Variants in NOXA1 observed in about 807,000 individuals in gnomAD.
NOXA1 encodes the protein NCF2-like protein.
NOXA1 carries 56 observed loss-of-function variants against 64.8 expected under a neutral mutation model. The ratio of observed to expected loss-of-function variants is 0.86; its 90% confidence interval spans 0.70 to 1.08. The LOEUF (loss-of-function observed/expected upper bound fraction) is 1.08, where lower values mean the gene tolerates loss of function less well. Ranked by LOEUF, NOXA1 falls within the 50% of genes least tolerant of loss-of-function variation. The pLI is 0.00. For synonymous variants in NOXA1, 295 were observed against 294.8 expected, an observed-to-expected ratio of 1.00 and a Z score of -0.01; for missense variants, 668 against 658.5, an observed-to-expected ratio of 1.01 and a Z score of -0.16.
At position 137,428,974 on chromosome 9, in the gene NOXA1, G is replaced by A. The variant is rs748200255; in HGVS notation, c.462G>A (p.Glu154=). The A allele has an allele frequency of 1.3e-6, 2 of 1,598,750 alleles. No homozygotes were observed. Among genetic ancestry groups the A allele is most frequent in the South Asian group, 1.1e-5 (1 of 88,446 alleles). The part of the protein sequence containing the change: ...SLREAMSKWP[E]GSLNGLDSAL... ...GGGAGGCCATGTCCAAGTGGCCGGA[G>A]GGGTCCCTGAATGGCCTGGACTCAG... The change falls in exon 4 of 14, where the codon GAG becomes GAA. Residue 154 remains glutamate, a synonymous_variant. Transcript: ENST00000683555.
In NOXA1 at chr9:137,428,927, A is replaced by T. The variant is rs1446292059; in HGVS notation, c.415A>T (p.Thr139Ser). The T allele has an allele frequency of 1.3e-6, 2 of 1,595,936 alleles. No homozygotes were observed. Among genetic ancestry groups the T allele is most frequent in the Non-Finnish European group, 1.7e-6 (2 of 1,172,290 alleles). The stretch of plus-strand genomic sequence containing the variant: ...GGCACAGTGCCAGCTGGGGCTCTGG[A>T]CAGAGGCGGCCAGCAGCCTAAGGGA... Reference protein sequence around the residue: ...ASAQCQLGLWTEAASSLREAM... With the variant: ...ASAQCQLGLWSEAASSLREAM... The change falls in exon 4 of 14, where the codon ACA (threonine) becomes TCA (serine). Residue 139 changes from threonine to serine, a missense_variant. By Grantham distance (58) the Thr-to-Ser change is moderately conservative. Transcript: ENST00000683555.
rs141015178 is a variant in NOXA1, at chr9:137,429,332, C to G, written c.561C>G (p.His187Gln). ...QVPRGEVFRP[H>Q]RWHLKHLEPV... ...CCAGGGGCGAGGTCTTCCGGCCCCA[C>G]CGGTGGCACCTGAAGCACTTGGAGC... The change falls in exon 5 of 14, where the codon CAC (histidine) becomes CAG (glutamine). Residue 187 changes from histidine to glutamine, a missense_variant. By Grantham distance (24) the His-to-Gln change is conservative. Transcript: ENST00000683555. The G allele has an allele frequency of 1.9e-6, 3 of 1,583,882 alleles. No homozygotes were observed. The highest frequency in any genetic ancestry group is 2.7e-5 in the African/African-American group (2 of 74,624).
At chr9:137,429,068 C>T in intron 4 of NOXA1, 52 bp downstream of exon 4, 1 of 1,478,536 alleles carries the variant, frequency 6.8e-7, no homozygotes. Context: ...ACCAAAGCTC[C>T]TCAAGACCAA....
chr9:137,428,500 C>G (rs371411545), intron 3 of NOXA1, among the ~76,000 whole-genome samples: 12 of 151,842 alleles, frequency 7.9e-5, no homozygotes, highest in African/African-American at 2.9e-4. Flanking sequence ...GAGGCCCCCC[C>G]ACCAGACCCC....
chr9:137,433,933 G>T (rs373178115), intron 12 of NOXA1, 32 bp from the exon 13 acceptor site: 2 of 1,525,142 alleles, frequency 1.3e-6, no homozygotes, highest in Non-Finnish European at 8.8e-7. Flanking sequence ...CCCAGTGCCC[G>T]GCCCGACCTG....
chr9:137,426,510 C>G (rs1194523106), intron 2 of NOXA1, among the ~76,000 whole-genome samples, 180 bp downstream of exon 2: 1 of 152,176 alleles, frequency 6.6e-6, no homozygotes, highest in Non-Finnish European at 1.5e-5. Context: ...GAGCGCCACC[C>G]TTGGACACAG....
chr9:137,433,790 C>T lies in NOXA1; in HGVS notation c.1105C>T (p.Pro369Ser). The T allele has an allele frequency of 1.4e-6, 2 of 1,454,232 alleles. No individual in the cohort carries two copies. The highest frequency in any genetic ancestry group is 1.8e-6 in the Non-Finnish European group (2 of 1,100,020). 90.1% of individuals were successfully genotyped at this position (1,454,232 alleles called of 1,614,324 possible). Residue 369 changes from proline (P) to serine (S), a missense_variant, in exon 12 of 14, where the codon CCC (proline) becomes TCC (serine). Transcript: ENST00000683555. ...PGEDGHWVPI[P>S]EEESLQRAWQ... ...TGAGGACGGGCACTGGGTCCCCATCCCCGAGGAGGAGTCGCTGCAGAGGGC... is the reference window on the plus strand; with the variant it reads ...TGAGGACGGGCACTGGGTCCCCATCTCCGAGGAGGAGTCGCTGCAGAGGGC...
At chr9:137,432,988 C>T in intron 8 of NOXA1, 41 bp from the exon 9 acceptor site, 1 of 1,610,194 alleles carries the variant, frequency 6.2e-7, no homozygotes, top group Non-Finnish European at 8.5e-7. Context: ...GCCTCCAGCA[C>T]CTGACCGCCC....
At chr9:137,429,226 G>C in intron 4 of NOXA1, 50 bp from the exon 5 acceptor site, 2 of 1,418,540 alleles carry the variant, frequency 1.4e-6, no homozygotes, top group Non-Finnish European at 1.9e-6. Context: ...TGCGGCTGCA[G>C]GCCTGGTTGG....
chr9:137,433,841 AG>A lies in NOXA1; in HGVS notation c.1161del (p.Leu388CysfsTer?), dbSNP rs35360369. ...CTGGCAGGACGCAGCTGCCTGCCCC[AG>A]GGGGCTGCAGCTGCAGTGCAGGGTG... The part of the protein sequence containing the change: ...RAWQDAAACP[R>X]GLQLQCRGAG... On this transcript the variant is annotated frameshift_variant, in exon 12 of 14. Coordinates refer to ENST00000683555, the MANE Select transcript of NOXA1 (RefSeq NM_001256067.2). LOFTEE classifies it high-confidence loss of function. 2 of 1,450,984 alleles carry A rather than the reference AG, an allele frequency of 1.4e-6. No homozygotes were observed. Among genetic ancestry groups the A allele is most frequent in the Non-Finnish European group, 1.8e-6 (2 of 1,099,202 alleles). The allele number at this position is 1,450,984 out of a possible 1,614,324, so 89.9% of individuals were successfully genotyped here. A position where few individuals can be genotyped will look rare whatever the true frequency, so the allele number is the denominator to read the frequency against.
At position 137,423,565 on chromosome 9, in the gene NOXA1, C is replaced by T. The variant is rs1365734681; in HGVS notation, c.36C>T (p.His12=). The T allele has an allele frequency of 6.9e-7, 1 of 1,455,006 alleles. No individual in the cohort carries two copies. 90.1% of individuals were successfully genotyped at this position (1,455,006 alleles called of 1,614,324 possible). Residue 12 remains histidine, a synonymous_variant, in exon 1 of 14, where the codon CAC becomes CAT. Transcript: ENST00000683555. ...TGGGGGACCTGGTGCGCGCCTGGCA[C>T]CTGGGCGCGCAGGCTGTGGATCGTG... is the stretch of plus-strand genomic sequence containing the variant. ...ASLGDLVRAW[H]LGAQAVDRGD... is the part of the protein sequence containing the mutation.
intron 3 of NOXA1, among the ~76,000 whole-genome samples, chr9:137,428,434 C>G (rs1329672243): frequency 3.3e-5 from 5 of 151,686 alleles, no homozygotes; most frequent in African/African-American, 1.2e-4. Context: ...CTCCACTGTG[C>G]CCCCAGCCCT....
intron 3 of NOXA1, among the ~76,000 whole-genome samples, chr9:137,428,462 C>T (rs1022269423): frequency 2.0e-5 from 3 of 151,850 alleles, no homozygotes; most frequent in African/African-American, 7.2e-5. Flanking sequence ...CTGCCTGGAA[C>T]GTGTTGGCAC....
At chr9:137,429,081 T>G in intron 4 of NOXA1, 65 bp downstream of exon 4, 4 of 1,462,634 alleles carry the variant, frequency 2.7e-6, no homozygotes, top group Non-Finnish European at 3.6e-6. Flanking sequence ...AAGACCAATT[T>G]CATGAGATGA....
Position 137,431,783 on chromosome 9 carries a change from G to A in NOXA1, c.804+442G>A, listed in dbSNP as rs574327950. On this transcript the variant is annotated intron_variant, in intron 8 of 13. Coordinates refer to ENST00000683555, the MANE Select transcript of NOXA1 (RefSeq NM_001256067.2). The surrounding 1 kb of genome is among the most constrained non-coding windows in gnomAD (Gnocchi z 5.6). ...TCCCCCGAGTCCTCCCGGACACCCC[G>A]GCACCTGGGGAGAGGCGGAGGAAGG... Among the ~76,000 whole-genome samples, 7 of 152,288 alleles carry A rather than the reference G, an allele frequency of 4.6e-5. 1 individual carries two copies. In the East Asian group the frequency reaches 9.7e-4, roughly 21 times the overall value.
intron 1 of NOXA1, 108 bp downstream of exon 1, chr9:137,423,814 AC>A: frequency 2.2e-6 from 2 of 928,066 alleles, no homozygotes; most frequent in Non-Finnish European, 2.8e-6. Context: ...GCCGCCCCCG[AC>A]CCAGCGAACG....
At chr9:137,424,890 A>G (rs1838780805) in intron 1 of NOXA1, among the ~76,000 whole-genome samples, 1 of 152,232 alleles carries the variant, frequency 6.6e-6, no homozygotes, top group Non-Finnish European at 1.5e-5. Context: ...AGTGAAAGTC[A>G]TACGACTAAC....
At chr9:137,427,155 A>G (rs1421870999) in intron 2 of NOXA1, among the ~76,000 whole-genome samples, 1 of 152,234 alleles carries the variant, frequency 6.6e-6, no homozygotes, top group Non-Finnish European at 1.5e-5. Context: ...GGAACCCTTC[A>G]TTGGCCGATA....
chr9:137,426,728 C>G (rs895148618), intron 2 of NOXA1, among the ~76,000 whole-genome samples: 14 of 152,074 alleles, frequency 9.2e-5, no homozygotes, highest in Non-Finnish European at 1.6e-4. Flanking sequence ...ATATCAAAAC[C>G]CCTCAAATCT....
Sources: gnomAD v4.1 joint callset for allele counts (sites outside exome capture counted in the v4.1 genomes callset) on GRCh38, gnomAD v4.1.1 for gene constraint, Gnocchi (gnomAD v3.1) non-coding constraint, MANE v1.5 for transcripts, NCBI Gene and HGNC (gene_info 2026-07-23, HGNC 2026-07-21) for gene names.